The following CTNNBL1 variants were observed in gnomAD, a reference collection of about 807,000 sequenced individuals.
The protein encoded by CTNNBL1 is beta-catenin-like protein 1.
Under a neutral mutation model 72.7 loss-of-function variants are expected in CTNNBL1, and 31 were observed. That is an observed-to-expected ratio of 0.43 (90% CI 0.32 to 0.58). CTNNBL1 has a LOEUF of 0.58. Ranked by LOEUF, CTNNBL1 falls within the 20% of genes least tolerant of loss-of-function variation. The probability of loss-of-function intolerance (pLI) is 0.08; values close to 1 mark genes in which losing one functional copy is unlikely to be tolerated. For missense variants in CTNNBL1, 534 were observed against 725.1 expected (o/e 0.74, Z 3.03); for synonymous variants, 240 against 267.3 (o/e 0.90, Z 1.00).
rs577944662 is a variant in CTNNBL1 at position 37,830,102 on chromosome 20, G to A, written c.1214-10000G>A. Reference sequence around the variant, plus strand: ...ACCAGCCTTGACCTCCCAAAGTGCTGGGATTACAAGCGTGAGCCAACTGTA... The same window carrying A: ...ACCAGCCTTGACCTCCCAAAGTGCTAGGATTACAAGCGTGAGCCAACTGTA... On this transcript the variant is annotated intron_variant, in intron 11 of 15. Coordinates refer to ENST00000361383, the MANE Select transcript of CTNNBL1 (RefSeq NM_030877.5). Among the ~76,000 whole-genome samples the A allele has an allele frequency of 7.4e-5, 11 of 149,520 alleles. No individual in the cohort carries two copies. The South Asian group carries it at 2.2e-3, about 29-fold the overall frequency.
chr20:37,765,988 T>C (rs2073464154), intron 6 of CTNNBL1, among the ~76,000 whole-genome samples: 1 of 152,218 alleles, frequency 6.6e-6, no homozygotes, highest in African/African-American at 2.4e-5. Context: ...ATGACATATC[T>C]GTAAACAGAG....
At chr20:37,752,586 T>C (rs778830378) in intron 4 of CTNNBL1, among the ~76,000 whole-genome samples, 2 of 151,976 alleles carry the variant, frequency 1.3e-5, no homozygotes, top group Non-Finnish European at 2.9e-5. Context: ...TTGTTCCTTG[T>C]GGAGTCATCT....
At chr20:37,854,082 A>T (rs2072418624) in intron 13 of CTNNBL1, among the ~76,000 whole-genome samples, 3 of 152,222 alleles carry the variant, frequency 2.0e-5, no homozygotes, top group Non-Finnish European at 1.5e-5. Context: ...CTTTCAAATC[A>T]TGTGGCCATA....
intron 11 of CTNNBL1, among the ~76,000 whole-genome samples, chr20:37,819,056 A>G (rs748619867): frequency 2.6e-5 from 4 of 152,204 alleles, no homozygotes; most frequent in Non-Finnish European, 4.4e-5. Flanking sequence ...TACTGCAGGT[A>G]TAAATTGTGT....
intron 11 of CTNNBL1, among the ~76,000 whole-genome samples, chr20:37,834,621 G>A (rs1291341988): frequency 6.6e-6 from 1 of 152,136 alleles, no homozygotes; most frequent in Non-Finnish European, 1.5e-5. Context: ...TAGCATTGAT[G>A]ATTGCCTTTT....
At chr20:37,844,987 T>C (rs2122824787) in intron 13 of CTNNBL1, among the ~76,000 whole-genome samples, 1 of 152,300 alleles carries the variant, frequency 6.6e-6, no homozygotes, top group East Asian at 1.9e-4. Context: ...AAGGTTATTA[T>C]GAAGACTAAG....
intron 10 of CTNNBL1, among the ~76,000 whole-genome samples, chr20:37,785,679 ACG>A (rs1184471966): frequency 6.6e-6 from 1 of 151,936 alleles, no homozygotes; most frequent in Non-Finnish European, 1.5e-5. Context: ...CTTCCTCAAA[ACG>A]CTATTTTGAA....
At chr20:37,779,117 T>C (rs899181490) in intron 9 of CTNNBL1, 70 bp from the exon 10 acceptor site, 10 of 1,495,808 alleles carry the variant, frequency 6.7e-6, no homozygotes, top group African/African-American at 2.7e-5. Flanking sequence ...GTTTTAGGAA[T>C]TGTTGGATGG....
chr20:37,704,206 A>G (rs551340593), intron 1 of CTNNBL1, among the ~76,000 whole-genome samples: 2 of 152,336 alleles, frequency 1.3e-5, no homozygotes, highest in African/African-American at 4.8e-5. Flanking sequence ...TTGCAGTCTA[A>G]TGGGGTATAC....
chr20:37,735,514 A>T (rs1261711639), intron 2 of CTNNBL1, among the ~76,000 whole-genome samples: 10 of 152,230 alleles, frequency 6.6e-5, no homozygotes, highest in African/African-American at 2.2e-4. Flanking sequence ...CAGCAAAGTA[A>T]CATTGTCCCA....
intron 3 of CTNNBL1, among the ~76,000 whole-genome samples, chr20:37,738,066 T>C (rs1273216040): frequency 1.3e-5 from 2 of 152,230 alleles, no homozygotes; most frequent in African/African-American, 4.8e-5. Flanking sequence ...AGCTAGCCCT[T>C]TTCAAGATCA....
intron 3 of CTNNBL1, among the ~76,000 whole-genome samples, chr20:37,744,308 A>G (rs2073243228): frequency 6.6e-6 from 1 of 152,200 alleles, no homozygotes; most frequent in Non-Finnish European, 1.5e-5. Flanking sequence ...TTCTGGCAAA[A>G]TATATCAAAA....
At chr20:37,851,604 G>T (rs1427247998) in intron 13 of CTNNBL1, among the ~76,000 whole-genome samples, 1 of 152,164 alleles carries the variant, frequency 6.6e-6, no homozygotes, top group Non-Finnish European at 1.5e-5. Flanking sequence ...AAACAAATTT[G>T]CATGGGTTTC....
rs200874158 is a variant in CTNNBL1 at position 37,803,011 on chromosome 20, G to T, written c.1176G>T (p.Lys392Asn). The part of the protein sequence containing the change: ...IFPLFMKSPR[K>N]IKKVGTTEKE... ...CCCTCTTTATGAAATCTCCCAGGAAGATCAAGAAAGTGGGAACCACTGAGA... is the reference window on the plus strand; with the variant it reads ...CCCTCTTTATGAAATCTCCCAGGAATATCAAGAAAGTGGGAACCACTGAGA... The change falls in exon 11 of 16, where the codon AAG becomes AAT. Residue 392 changes from lysine (K) to asparagine (N), a missense_variant. Transcript: ENST00000361383. 9.9e-6 allele frequency: 16 copies of T among 1,614,058 alleles called. No individual in the cohort carries two copies. Among genetic ancestry groups the T allele is most frequent in the African/African-American group, 2.7e-5 (2 of 75,016 alleles).
chr20:37,717,861 C>T (rs1312948104), intron 1 of CTNNBL1, among the ~76,000 whole-genome samples: 21 of 152,046 alleles, frequency 1.4e-4, no homozygotes, highest in Admixed American at 5.9e-4. Flanking sequence ...CATCTTGCAC[C>T]GCCCTTAATC....
chr20:37,805,296 C>T lies in CTNNBL1; in HGVS notation c.1213+2248C>T, dbSNP rs150117882. On this transcript the variant is annotated intron_variant, in intron 11 of 15. Coordinates refer to ENST00000361383, the MANE Select transcript of CTNNBL1 (RefSeq NM_030877.5). ...GGCATGCCCAGCTCATTCCTGCCCC[C>T]GGGCTTCCAGCATGCTCTTCCCTCC... Among the ~76,000 whole-genome samples the T allele has an allele frequency of 2.3e-3, 355 of 152,310 alleles. 4 individuals carry two copies. The highest frequency in any genetic ancestry group is 8.1e-3 in the African/African-American group (335 of 41,576).
chr20:37,837,016 C>T (rs1194196300), intron 11 of CTNNBL1, among the ~76,000 whole-genome samples: 2 of 152,094 alleles, frequency 1.3e-5, no homozygotes, highest in African/African-American at 2.4e-5. Context: ...TTTATTATGG[C>T]CTGTCCCATA....
At chr20:37,721,981 T>TC (rs1373444730) in intron 1 of CTNNBL1, among the ~76,000 whole-genome samples, 2 of 152,360 alleles carry the variant, frequency 1.3e-5, no homozygotes, top group East Asian at 3.9e-4. Context: ...AGTTCTTGTT[T>TC]CCCCATATCC....
At chr20:37,831,796 G>A (rs1197853043) in intron 11 of CTNNBL1, among the ~76,000 whole-genome samples, 1 of 152,148 alleles carries the variant, frequency 6.6e-6, no homozygotes, top group Non-Finnish European at 1.5e-5. Flanking sequence ...TTTGAGAAAA[G>A]GGAGGGCTGG....
Sources: gnomAD v4.1 joint callset for allele counts (sites outside exome capture counted in the v4.1 genomes callset) on GRCh38, gnomAD v4.1.1 for gene constraint, MANE v1.5 for transcripts, NCBI Gene and HGNC (gene_info 2026-07-23, HGNC 2026-07-21) for gene names.